FSD2: variants seen among roughly 807,000 people sequenced by gnomAD.
The protein encoded by FSD2 is fibronectin type III and SPRY domain containing 2.
A neutral mutation model predicts 80.4 loss-of-function variants in FSD2; 71 were observed. The ratio of observed to expected loss-of-function variants is 0.88; its 90% CI spans 0.73 to 1.08. The LOEUF is 1.08. Among genes scored for constraint, FSD2 ranks in the 50% least tolerant of loss-of-function variants. FSD2 has a pLI of 0.00. For synonymous variants in FSD2, 361 were observed against 329.5 expected (o/e 1.10, Z -1.03); for missense variants, 923 against 913.8 (o/e 1.01, Z -0.13).
intron 6 of FSD2, among the ~76,000 whole-genome samples, chr15:82,778,060 C>T (rs1339040920): frequency 4.2e-5 from 6 of 143,096 alleles, no homozygotes; most frequent in Non-Finnish European, 7.5e-5. Flanking sequence ...CATGTGAGCC[C>T]AGGAATTTGA....
At chr15:82,795,264 T>C (rs749173212) in intron 1 of FSD2, among the ~76,000 whole-genome samples, 11 of 152,236 alleles carry the variant, frequency 7.2e-5, no homozygotes, top group Admixed American at 1.3e-4. Context: ...TGATTCATTA[T>C]GAGAAGTTTC....
At chr15:82,785,665 C>A (rs2049978641) in intron 3 of FSD2, among the ~76,000 whole-genome samples, 1 of 152,116 alleles carries the variant, frequency 6.6e-6, no homozygotes, top group Non-Finnish European at 1.5e-5. Context: ...AAAAATATTC[C>A]TTTGTTTGAG....
chr15:82,793,258 G>A (rs780610310), intron 1 of FSD2, among the ~76,000 whole-genome samples: 5 of 151,070 alleles, frequency 3.3e-5, no homozygotes, highest in Non-Finnish European at 5.9e-5. Flanking sequence ...CTGGCACCAC[G>A]CCTGGCTAAT....
At chr15:82,782,436 A>G (rs77342732) in intron 4 of FSD2, among the ~76,000 whole-genome samples, 2,514 of 152,254 alleles carry the variant, frequency 0.017, 34 homozygotes, top group Non-Finnish European at 0.026. Context: ...AACAACAACA[A>G]CAAAAAACTG....
At chr15:82,778,955 T>G in intron 5 of FSD2, 68 bp from the exon 6 acceptor site, 1 of 1,534,490 alleles carries the variant, frequency 6.5e-7, no homozygotes, top group South Asian at 1.2e-5. Flanking sequence ...TATATAGTGC[T>G]GAGTCACTGT....
At position 82,786,399 on chromosome 15, in the gene FSD2, C is replaced by T. The variant is rs1015632713; in HGVS notation, c.735+112G>A. On this transcript the variant is annotated intron_variant, in intron 3 of 12. Transcript: ENST00000334574. ...GGGAGGAGAGAAGGGGGAGTGGTGA[C>T]CCCTCACATTCTAAGAAAACAGATT... The T allele has an allele frequency of 1.0e-5, 8 of 789,926 alleles. No individual in the cohort carries two copies. The African/African-American group carries it at 1.4e-4, about 14-fold the overall frequency. The allele number at this position is 789,926 out of a possible 1,614,324, so 48.9% of individuals were successfully genotyped here.
intron 11 of FSD2, 139 bp downstream of exon 11, chr15:82,765,027 T>G: frequency 9.3e-7 from 1 of 1,073,494 alleles, no homozygotes; most frequent in Non-Finnish European, 1.3e-6. Context: ...CCCCTCCCCA[T>G]TAGGCTCCTC....
intron 9 of FSD2, among the ~76,000 whole-genome samples, chr15:82,766,514 G>A (rs919845749): frequency 2.6e-5 from 4 of 152,140 alleles, no homozygotes; most frequent in Admixed American, 6.5e-5. Flanking sequence ...GGCTGAGGCG[G>A]GTGGGTCACT....
intron 10 of FSD2, among the ~76,000 whole-genome samples, chr15:82,765,586 G>A (rs1275504141): frequency 6.6e-6 from 1 of 152,160 alleles, no homozygotes; most frequent in Non-Finnish European, 1.5e-5. Context: ...GCAAATGATA[G>A]AACTTAAACT....
chr15:82,788,300 G>A (rs112494094), intron 1 of FSD2, among the ~76,000 whole-genome samples: 19,868 of 147,386 alleles, frequency 0.13, 1,456 homozygotes, highest in East Asian at 0.24. Context: ...GTTCGAGATC[G>A]TCCTGGGCAA....
intron 12 of FSD2, among the ~76,000 whole-genome samples, chr15:82,760,114 T>C (rs1032454233): frequency 2.0e-5 from 3 of 152,182 alleles, no homozygotes; most frequent in African/African-American, 7.2e-5. Context: ...TCAAACATCA[T>C]TTTTTCTCTA....
intron 4 of FSD2, among the ~76,000 whole-genome samples, chr15:82,780,537 A>G (rs2049829764): frequency 6.6e-6 from 1 of 151,416 alleles, no homozygotes; most frequent in African/African-American, 2.4e-5. Context: ...GTTTTACCAT[A>G]TTGGCCAGGC....
chr15:82,789,323 A>G (rs2050082523), intron 1 of FSD2, among the ~76,000 whole-genome samples: 1 of 151,520 alleles, frequency 6.6e-6, no homozygotes, highest in South Asian at 2.1e-4. Context: ...CATGTCCACT[A>G]TTTTAATGAA....
chr15:82,782,065 A>AAAAAATAAT, intron 4 of FSD2, among the ~76,000 whole-genome samples: 1 of 107,028 alleles, frequency 9.3e-6, no homozygotes, highest in East Asian at 2.8e-4. Flanking sequence ...CTCCATCTCA[A>AAAAAATAAT]AATAATAATA....
intron 6 of FSD2, 139 bp from the exon 7 acceptor site, chr15:82,772,367 A>T: frequency 1.2e-6 from 1 of 819,266 alleles, no homozygotes; most frequent in Non-Finnish European, 1.9e-6. Flanking sequence ...GTAGACAAGG[A>T]TGGGGACATA....
At chr15:82,789,522 T>G (rs1419661650) in intron 1 of FSD2, among the ~76,000 whole-genome samples, 2 of 152,024 alleles carry the variant, frequency 1.3e-5, no homozygotes, top group African/African-American at 4.8e-5. Flanking sequence ...TGTAGATGAG[T>G]CAACTGTGTC....
chr15:82,768,053 C>G (rs1456099093), intron 9 of FSD2, among the ~76,000 whole-genome samples: 2 of 152,160 alleles, frequency 1.3e-5, no homozygotes, highest in African/African-American at 4.8e-5. Flanking sequence ...TTCTGCGAGC[C>G]CTTGTGGTCA....
chr15:82,805,857 A>G (rs1249144401), intron 1 of FSD2, 109 bp downstream of exon 1: 6 of 152,242 alleles, frequency 3.9e-5, no homozygotes, highest in African/African-American at 7.2e-5. Flanking sequence ...TCTGCAATTT[A>G]CCATGATATC....
At chr15:82,765,057 G>T (rs1452393699) in intron 11 of FSD2, 109 bp downstream of exon 11, 3 of 1,301,242 alleles carry the variant, frequency 2.3e-6, no homozygotes, top group African/African-American at 3.0e-5. Context: ...TCATTTGTAG[G>T]ATTCCTTTTC....
Sources: gnomAD v4.1 joint callset for allele counts (sites outside exome capture counted in the v4.1 genomes callset) on GRCh38, gnomAD v4.1.1 for gene constraint, MANE v1.5 for transcripts, NCBI Gene and HGNC (gene_info 2026-07-23, HGNC 2026-07-21) for gene names.